The following AGPS variants were observed in gnomAD, a reference collection of about 807,000 sequenced individuals.
AGPS encodes alkyldihydroxyacetonephosphate synthase, peroxisomal.
In AGPS, 26 loss-of-function variants were observed where a neutral mutation model predicts 90.7. The ratio of observed to expected loss-of-function variants is 0.29; its 90% CI spans 0.21 to 0.40. The LOEUF (loss-of-function observed/expected upper bound fraction) is 0.40. Among genes scored for constraint, AGPS ranks in the 10% least tolerant of loss-of-function variants. The pLI is 1.00. For missense variants in AGPS, 540 were observed against 816.1 expected (o/e 0.66, Z 4.12); for synonymous variants, 294 against 285.3 (o/e 1.03, Z -0.31).
intron 7 of AGPS, among the ~76,000 whole-genome samples, chr2:177,445,108 A>T (rs984118476): frequency 6.6e-6 from 1 of 152,228 alleles, no homozygotes; most frequent in African/African-American, 2.4e-5. Context: ...AGTGATTGCT[A>T]TGTTAACACA....
chr2:177,394,490 G>A (rs1444741076), intron 1 of AGPS, among the ~76,000 whole-genome samples: 2 of 150,062 alleles, frequency 1.3e-5, no homozygotes, highest in East Asian at 2.2e-4. Context: ...GTAGGAGAGG[G>A]TGAGAATGAC....
At chr2:177,443,122 T>G (rs1018923988) in intron 7 of AGPS, among the ~76,000 whole-genome samples, 1 of 152,190 alleles carries the variant, frequency 6.6e-6, no homozygotes, top group African/African-American at 2.4e-5. Flanking sequence ...ACTTTACATG[T>G]AAATATTTCT....
chr2:177,399,018 A>G (rs1685260102), intron 1 of AGPS, among the ~76,000 whole-genome samples: 1 of 152,212 alleles, frequency 6.6e-6, no homozygotes, highest in African/African-American at 2.4e-5. Context: ...GCTTCTCTAG[A>G]TTGCATTTTA....
intron 19 of AGPS, among the ~76,000 whole-genome samples, chr2:177,524,270 T>A (rs1158784543): frequency 3.3e-5 from 5 of 152,252 alleles, no homozygotes; most frequent in Admixed American, 3.3e-4. Flanking sequence ...AAATCTTTTT[T>A]CAAGGTTTTA....
chr2:177,500,788 G>A (rs551135615), intron 14 of AGPS, among the ~76,000 whole-genome samples: 2 of 151,906 alleles, frequency 1.3e-5, no homozygotes, highest in East Asian at 3.9e-4. Context: ...ATCTTTTCTC[G>A]ATAGCTGTTT....
At chr2:177,497,835 G>T (rs1429041950) in intron 13 of AGPS, 70 bp downstream of exon 13, 1 of 804,282 alleles carries the variant, frequency 1.2e-6, no homozygotes, top group Non-Finnish European at 2.0e-6. Flanking sequence ...CTTCCCACAT[G>T]CACCTATTGT....
chr2:177,449,961 C>T (rs1428599208), intron 8 of AGPS, among the ~76,000 whole-genome samples: 1 of 151,998 alleles, frequency 6.6e-6, no homozygotes, highest in African/African-American at 2.4e-5. Context: ...CCTCAGCCTC[C>T]CCAGTAGCTG....
Position 177,497,684 on chromosome 2 carries a change from C to T in AGPS, c.1286-5C>T. 2 of 1,545,228 alleles carry T rather than the reference C, an allele frequency of 1.3e-6. No homozygotes were observed. Among genetic ancestry groups the T allele is most frequent in the Admixed American group, 1.8e-5 (1 of 56,366 alleles). ...CTATTAATATAAACTTTTTTCTCTT[C>T]TTAGGTCATGCTCTTAAACCTCAGG... On this transcript the variant is annotated splice_polypyrimidine_tract_variant and splice_region_variant and intron_variant, in intron 12 of 19. Coordinates refer to ENST00000264167, the MANE Select transcript of AGPS (RefSeq NM_003659.4).
intron 19 of AGPS, among the ~76,000 whole-genome samples, chr2:177,535,054 T>C (rs532617595): frequency 6.6e-6 from 1 of 152,302 alleles, no homozygotes; most frequent in Non-Finnish European, 1.5e-5. Context: ...GATCTTGGCT[T>C]TTTGTAGCTC....
chr2:177,438,386 A>AAAAAAC (rs964581249), intron 5 of AGPS, among the ~76,000 whole-genome samples: 7 of 152,182 alleles, frequency 4.6e-5, no homozygotes, highest in South Asian at 2.1e-4. Context: ...CTCATGTCTT[A>AAAAAAC]AAAAACAAAA....
At chr2:177,441,066 T>C in intron 6 of AGPS, 30 bp downstream of exon 6, 1 of 1,514,882 alleles carries the variant, frequency 6.6e-7, no homozygotes, top group South Asian at 1.1e-5. Flanking sequence ...AATTTTAATA[T>C]GTAAATTTGT....
intron 11 of AGPS, among the ~76,000 whole-genome samples, chr2:177,489,887 C>T (rs1216741078): frequency 1.3e-5 from 2 of 152,172 alleles, no homozygotes; most frequent in East Asian, 1.9e-4. Context: ...TAGTTTTGAT[C>T]GCTTACCAGC....
intron 8 of AGPS, among the ~76,000 whole-genome samples, chr2:177,446,497 T>G (rs1288338018): frequency 2.6e-5 from 4 of 152,150 alleles, no homozygotes; most frequent in African/African-American, 4.8e-5. Context: ...CTAGTGTGTG[T>G]ATGGGAGAAC....
At chr2:177,424,568 A>G (rs1686025434) in intron 2 of AGPS, among the ~76,000 whole-genome samples, 2 of 152,288 alleles carry the variant, frequency 1.3e-5, no homozygotes, top group East Asian at 1.9e-4. Context: ...ACAGAAAGCA[A>G]TATTTATAAT....
rs1011000754 is a variant in AGPS, at chr2:177,411,708, T to C, written c.261-8561T>C. Among the ~76,000 whole-genome samples, 3 of 152,224 alleles carry C rather than the reference T, an allele frequency of 2.0e-5. No homozygotes were observed. The East Asian group carries it at 5.8e-4, about 29-fold the overall frequency. Reference sequence around the variant, plus strand: ...AACATCAATATAGCCATCAGGGTTATCTGATAATTTACCTAGGTCTATTTT... The same window carrying C: ...AACATCAATATAGCCATCAGGGTTACCTGATAATTTACCTAGGTCTATTTT... On this transcript the variant is annotated intron_variant, in intron 1 of 19. Transcript: ENST00000264167.
intron 1 of AGPS, among the ~76,000 whole-genome samples, chr2:177,413,103 T>C (rs532521037): frequency 2.0e-5 from 3 of 152,180 alleles, no homozygotes; most frequent in African/African-American, 7.2e-5. Flanking sequence ...TTGCAAGATT[T>C]AATAGAGTGA....
intron 17 of AGPS, among the ~76,000 whole-genome samples, chr2:177,514,942 T>G (rs1688980833): frequency 6.6e-6 from 1 of 151,746 alleles, no homozygotes; most frequent in Non-Finnish European, 1.5e-5. Flanking sequence ...AAGTACTAAG[T>G]CATCTGTATA....
rs563618722 is a variant in AGPS at position 177,507,850 on chromosome 2, G to A, written c.1546-120G>A. 8 of 784,674 alleles carry A rather than the reference G, an allele frequency of 1.0e-5. No individual in the cohort carries two copies. The African/African-American group carries it at 1.2e-4, about 12-fold the overall frequency. The allele number at this position is 784,674 out of a possible 1,614,324, so 48.6% of individuals were successfully genotyped here. On this transcript the variant is annotated intron_variant, in intron 15 of 19. Transcript: ENST00000264167. ...GTGCTCTTATGAGGTGGATAGTAAA[G>A]AGTGGATGAAGTTAAATGAGAAACA...
chr2:177,403,769 T>A (rs1023761385), intron 1 of AGPS, among the ~76,000 whole-genome samples: 3 of 152,220 alleles, frequency 2.0e-5, no homozygotes. Flanking sequence ...GTCTTGTGTA[T>A]ACCTTTCCTT....
Sources: allele counts gnomAD v4.1 joint callset (sites outside exome capture counted in the v4.1 genomes callset), GRCh38; gene constraint gnomAD v4.1.1; transcripts MANE v1.5; gene names NCBI Gene and HGNC (gene_info 2026-07-23, HGNC 2026-07-21).